Variants in HPSE2 observed in about 807,000 individuals in gnomAD.
HPSE2 encodes the protein heparanase 2 (inactive), also known as inactive heparanase-2.
Under a neutral mutation model 60.5 loss-of-function variants are expected in HPSE2, and 38 were observed. The ratio of observed to expected loss-of-function variants is 0.63; its 90% confidence interval spans 0.48 to 0.82. HPSE2 has a LOEUF of 0.82. Among genes scored for constraint, HPSE2 ranks in the 40% least tolerant of loss-of-function variants. The pLI is 0.00. For missense variants in HPSE2, 713 were observed against 740.4 expected, an observed-to-expected ratio of 0.96 and a Z score of 0.43; for synonymous variants, 295 against 293.2, an observed-to-expected ratio of 1.01 and a Z score of -0.06.
chr10:99,099,328 G>T (rs573519902), intron 3 of HPSE2, among the ~76,000 whole-genome samples: 2 of 152,312 alleles, frequency 1.3e-5, no homozygotes, highest in South Asian at 4.1e-4. Context: ...TTAGCAAATG[G>T]CACACCAGGA....
At chr10:98,642,432 C>T (rs766170626) in intron 6 of HPSE2, among the ~76,000 whole-genome samples, 1 of 152,136 alleles carries the variant, frequency 6.6e-6, no homozygotes, top group Non-Finnish European at 1.5e-5. Flanking sequence ...GAGTGAGTCT[C>T]CAGCTCATTC....
intron 3 of HPSE2, among the ~76,000 whole-genome samples, chr10:98,900,013 T>A (rs1168467701): frequency 6.6e-6 from 1 of 152,002 alleles, no homozygotes. Context: ...AAACTCCTGG[T>A]ATTCTGGCAG....
intron 3 of HPSE2, among the ~76,000 whole-genome samples, chr10:98,819,421 C>CTTTTTT (rs34043787): frequency 1.5e-5 from 2 of 136,298 alleles, no homozygotes; most frequent in African/African-American, 2.7e-5. Flanking sequence ...TACAATCATT[C>CTTTTTT]TTTTTTTTTT....
At chr10:98,707,921 C>A (rs1948587223) in intron 5 of HPSE2, among the ~76,000 whole-genome samples, 1 of 151,970 alleles carries the variant, frequency 6.6e-6, no homozygotes, top group Non-Finnish European at 1.5e-5. Flanking sequence ...CATATATTAT[C>A]ATGAAATTTG....
At chr10:98,840,553 G>A (rs952947242) in intron 3 of HPSE2, among the ~76,000 whole-genome samples, 1 of 152,144 alleles carries the variant, frequency 6.6e-6, no homozygotes, top group African/African-American at 2.4e-5. Flanking sequence ...GCAGGGAAGC[G>A]GGAAAAGCAG....
chr10:99,080,794 C>T (rs1843106891), intron 3 of HPSE2, among the ~76,000 whole-genome samples: 1 of 152,158 alleles, frequency 6.6e-6, no homozygotes, highest in Admixed American at 6.5e-5. Context: ...ATGCTCTTGC[C>T]AAATGCATTC....
intron 9 of HPSE2, among the ~76,000 whole-genome samples, chr10:98,607,941 A>C (rs1423792792): frequency 6.6e-6 from 1 of 152,196 alleles, no homozygotes; most frequent in Non-Finnish European, 1.5e-5. Flanking sequence ...ATAGAATTTT[A>C]ACAAAGTGAC....
chr10:98,535,913 A>G (rs1228957092), intron 9 of HPSE2, among the ~76,000 whole-genome samples: 1 of 152,036 alleles, frequency 6.6e-6, no homozygotes, highest in African/African-American at 2.4e-5. Context: ...GAGCCAAGGA[A>G]CCCTATCACT....
upstream of HPSE2, among the ~76,000 whole-genome samples, chr10:99,238,855 C>T (rs913378459): frequency 6.6e-6 from 1 of 152,058 alleles, no homozygotes; most frequent in African/African-American, 2.4e-5. Context: ...AGTATTGGGC[C>T]TCTGTATAAA....
At chr10:99,197,791 T>C (rs776443834) in intron 2 of HPSE2, among the ~76,000 whole-genome samples, 1 of 152,204 alleles carries the variant, frequency 6.6e-6, no homozygotes, top group Non-Finnish European at 1.5e-5. Flanking sequence ...CCAGGCGCAG[T>C]GGCTCACACC....
At chr10:99,101,324 G>A (rs1234352230) in intron 3 of HPSE2, among the ~76,000 whole-genome samples, 1 of 152,106 alleles carries the variant, frequency 6.6e-6, no homozygotes, top group Non-Finnish European at 1.5e-5. Context: ...ACAAAAAAAG[G>A]CAGGGGTTGC....
At chr10:98,880,258 C>A (rs1952986674) in intron 3 of HPSE2, among the ~76,000 whole-genome samples, 1 of 151,990 alleles carries the variant, frequency 6.6e-6, no homozygotes, top group African/African-American at 2.4e-5. Context: ...TCATCAGTTA[C>A]TCCTTTAGGT....
chr10:99,235,739 G>A lies in HPSE2; in HGVS notation c.64C>T (p.Leu22=), dbSNP rs1849819852. 2 of 1,613,926 alleles carry A rather than the reference G, an allele frequency of 1.2e-6. No individual in the cohort carries two copies. The highest frequency in any genetic ancestry group is 1.7e-6 in the Non-Finnish European group (2 of 1,179,898). ...PSSNSRPPAC[L]APGALYLALL... Reference sequence around the variant, plus strand: ...GCCAAGTAGAGAGCCCCCGGGGCTAGGCACGCGGGGGGGCGGGAGTTGCTG... The same window carrying A: ...GCCAAGTAGAGAGCCCCCGGGGCTAAGCACGCGGGGGGGCGGGAGTTGCTG... The change falls in exon 1 of 12, where the codon CTA becomes TTA. Residue 22 remains leucine (L), a synonymous_variant. Coordinates refer to ENST00000370552, the MANE Select transcript of HPSE2 (RefSeq NM_021828.5).
chr10:99,291,613 T>C, the HPSE2 span, among the ~76,000 whole-genome samples: 1 of 151,162 alleles, frequency 6.6e-6, no homozygotes, highest in African/African-American at 2.4e-5. Flanking sequence ...AATCACCATA[T>C]GTTAGTGCCA....
chr10:98,469,995 C>CA (rs1364831865), intron 11 of HPSE2, among the ~76,000 whole-genome samples: 1 of 152,114 alleles, frequency 6.6e-6, no homozygotes, highest in African/African-American at 2.4e-5. Flanking sequence ...GGAGAGGGAC[C>CA]AGGTTTCCCC....
chr10:98,825,894 G>A (rs1010782407), intron 3 of HPSE2, among the ~76,000 whole-genome samples: 2 of 152,180 alleles, frequency 1.3e-5, no homozygotes, highest in Admixed American at 6.5e-5. Flanking sequence ...TTATGACTAT[G>A]AGAGGAGAAA....
chr10:98,989,578 A>G (rs1196069809), intron 3 of HPSE2, among the ~76,000 whole-genome samples: 2 of 151,762 alleles, frequency 1.3e-5, no homozygotes, highest in African/African-American at 4.8e-5. Flanking sequence ...GCACACCAAC[A>G]TGGCACATGT....
chr10:98,828,512 A>T (rs2134642681), intron 3 of HPSE2, among the ~76,000 whole-genome samples: 1 of 152,358 alleles, frequency 6.6e-6, no homozygotes, highest in East Asian at 1.9e-4. Context: ...ACTCAACAGC[A>T]AAAACAAAAC....
chr10:98,756,234 A>G (rs1327121008), intron 3 of HPSE2, among the ~76,000 whole-genome samples: 2 of 152,166 alleles, frequency 1.3e-5, no homozygotes, highest in Non-Finnish European at 2.9e-5. Flanking sequence ...AAATGCCTCA[A>G]ATTAACAACC....
Sources: gnomAD v4.1 joint callset for allele counts (sites outside exome capture counted in the v4.1 genomes callset) on GRCh38, gnomAD v4.1.1 for gene constraint, MANE v1.5 for transcripts, NCBI Gene and HGNC (gene_info 2026-07-23, HGNC 2026-07-21) for gene names.